NARS2: variants seen among roughly 807,000 people sequenced by gnomAD.
NARS2 encodes asparaginyl-tRNA synthetase.
Under a neutral mutation model 62.9 loss-of-function variants are expected in NARS2, and 60 were observed. That is an observed-to-expected ratio of 0.95 (90% CI 0.77 to 1.18). The LOEUF is 1.18. Ranked by LOEUF, NARS2 falls within the 50% of genes most tolerant of loss-of-function variation. The pLI is 0.00. For missense variants in NARS2, 619 were observed against 576.4 expected, an observed-to-expected ratio of 1.07 and a Z score of -0.76; for synonymous variants, 196 against 200.0, an observed-to-expected ratio of 0.98 and a Z score of 0.17.
intron 6 of NARS2, among the ~76,000 whole-genome samples, chr11:78,519,637 CAAATCAT>C (rs1861038231): frequency 6.6e-6 from 1 of 151,602 alleles, no homozygotes; most frequent in African/African-American, 2.4e-5. Context: ...ATTATATGAA[CAAATCAT>C]AAATAATTTA....
In NARS2 at chr11:78,559,622, G is replaced by T; in HGVS notation, c.514-3C>A. 1 of 1,599,452 alleles carries T rather than the reference G, an allele frequency of 6.3e-7. No homozygotes were observed. The highest frequency in any genetic ancestry group is 1.1e-5 in the South Asian group (1 of 90,568). On this transcript the variant is annotated splice_region_variant and splice_polypyrimidine_tract_variant and intron_variant, in intron 4 of 13. Coordinates refer to ENST00000281038, the MANE Select transcript of NARS2 (RefSeq NM_024678.6). ...TGAATATGTACAAAGCCACTGTCCT[G>T]AAAAAGAAAACCACTGTTTTCAGGA...
intron 11 of NARS2, among the ~76,000 whole-genome samples, chr11:78,444,205 A>G (rs772970580): frequency 6.6e-6 from 1 of 152,100 alleles, no homozygotes; most frequent in African/African-American, 2.4e-5. Flanking sequence ...AATAGCTTTA[A>G]TGTTTAATAG....
intron 5 of NARS2, among the ~76,000 whole-genome samples, chr11:78,554,508 C>CATGTGTGTGTGTGTGTGTGT (rs1555041423): frequency 9.5e-5 from 14 of 147,016 alleles, no homozygotes; most frequent in African/African-American, 3.0e-4. Context: ...GGCGTGTGTG[C>CATGTGTGTGTGTGTGTGTGT]GTGTGTGTGT....
At chr11:78,521,786 T>A (rs1861134901) in intron 6 of NARS2, among the ~76,000 whole-genome samples, 2 of 55,562 alleles carry the variant, frequency 3.6e-5, no homozygotes, top group African/African-American at 2.4e-4. Flanking sequence ...CGAGACTCCG[T>A]CTCAAAAAAA....
At chr11:78,444,760 A>G (rs142652694) in intron 11 of NARS2, among the ~76,000 whole-genome samples, 3 of 151,600 alleles carry the variant, frequency 2.0e-5, no homozygotes, top group Admixed American at 1.3e-4. Context: ...AGAAAATAAT[A>G]TATCTGCAAG....
At chr11:78,492,744 T>C (rs964618157) in intron 7 of NARS2, among the ~76,000 whole-genome samples, 1 of 152,218 alleles carries the variant, frequency 6.6e-6, no homozygotes, top group African/African-American at 2.4e-5. Flanking sequence ...TTATATTATA[T>C]ATACAATTTC....
At chr11:78,570,624 G>A (rs905104618) in intron 2 of NARS2, among the ~76,000 whole-genome samples, 2 of 152,160 alleles carry the variant, frequency 1.3e-5, no homozygotes, top group African/African-American at 2.4e-5. Flanking sequence ...CAAGTGATCC[G>A]TCTGTCTCGG....
chr11:78,477,336 G>A (rs1352915691), intron 9 of NARS2, among the ~76,000 whole-genome samples: 1 of 152,048 alleles, frequency 6.6e-6, no homozygotes, highest in African/African-American at 2.4e-5. Flanking sequence ...ACATGTCTGT[G>A]TTCCCGATAC....
chr11:78,493,289 T>G (rs1205558620), intron 6 of NARS2, 94 bp from the exon 7 acceptor site: 2 of 1,175,194 alleles, frequency 1.7e-6, no homozygotes, highest in African/African-American at 3.1e-5. Context: ...AATAAAGTTT[T>G]GTGTGCCTCT....
intron 6 of NARS2, among the ~76,000 whole-genome samples, chr11:78,501,663 G>A (rs1860287278): frequency 1.3e-5 from 2 of 152,106 alleles, no homozygotes; most frequent in South Asian, 4.1e-4. Flanking sequence ...CTTTTTAAAA[G>A]GTTTTTTGAT....
intron 9 of NARS2, among the ~76,000 whole-genome samples, chr11:78,471,340 A>G (rs1225425732): frequency 6.6e-6 from 1 of 152,194 alleles, no homozygotes; most frequent in African/African-American, 2.4e-5. Flanking sequence ...TTAGAGTTTC[A>G]TATGTTCCAT....
At chr11:78,500,288 A>G (rs927627355) in intron 6 of NARS2, among the ~76,000 whole-genome samples, 1 of 152,174 alleles carries the variant, frequency 6.6e-6, no homozygotes, top group East Asian at 1.9e-4. Flanking sequence ...CTGTAAGACT[A>G]AATTTCCCCA....
chr11:78,532,204 T>G (rs1468947735), intron 5 of NARS2, among the ~76,000 whole-genome samples: 1 of 152,166 alleles, frequency 6.6e-6, no homozygotes, highest in Non-Finnish European at 1.5e-5. Context: ...CTTTGTGACT[T>G]TATCAGTGGG....
At chr11:78,440,388 G>A (rs1339233623) in intron 13 of NARS2, among the ~76,000 whole-genome samples, 1 of 151,424 alleles carries the variant, frequency 6.6e-6, no homozygotes, top group African/African-American at 2.4e-5. Flanking sequence ...GATTCAGAGA[G>A]ATCAAGCCCC....
chr11:78,500,514 C>G (rs1860241009), intron 6 of NARS2, among the ~76,000 whole-genome samples: 1 of 152,090 alleles, frequency 6.6e-6, no homozygotes, highest in East Asian at 1.9e-4. Flanking sequence ...TGCTCTATCA[C>G]CCAGGCTGGG....
intron 5 of NARS2, among the ~76,000 whole-genome samples, chr11:78,536,608 C>A (rs1290089401): frequency 6.6e-6 from 1 of 151,780 alleles, no homozygotes; most frequent in Non-Finnish European, 1.5e-5. Context: ...TTTTTGTACT[C>A]ATACAACGTG....
At chr11:78,542,986 G>A (rs943745596) in intron 5 of NARS2, among the ~76,000 whole-genome samples, 2 of 152,184 alleles carry the variant, frequency 1.3e-5, no homozygotes, top group Non-Finnish European at 2.9e-5. Context: ...GAACAGAAGG[G>A]CTTGGTTGCC....
At chr11:78,468,942 T>C (rs548415703) in intron 10 of NARS2, among the ~76,000 whole-genome samples, 17 of 152,188 alleles carry the variant, frequency 1.1e-4, no homozygotes, top group South Asian at 4.1e-4. Flanking sequence ...TCTACAGTAA[T>C]AGTCTATGAT....
At chr11:78,448,835 C>A (rs1480565691) in intron 11 of NARS2, among the ~76,000 whole-genome samples, 2 of 152,182 alleles carry the variant, frequency 1.3e-5, no homozygotes, top group African/African-American at 4.8e-5. Flanking sequence ...GTACTTGTTG[C>A]TGGATCTTGC....
Sources: gnomAD v4.1 joint callset for allele counts (sites outside exome capture counted in the v4.1 genomes callset) on GRCh38, gnomAD v4.1.1 for gene constraint, MANE v1.5 for transcripts, NCBI Gene and HGNC (gene_info 2026-07-23, HGNC 2026-07-21) for gene names.